The following PLPPR1 variants were observed in gnomAD, a reference collection of about 807,000 sequenced individuals.
PLPPR1 encodes the protein phospholipid phosphatase related 1.
Under a neutral mutation model 33.1 loss-of-function variants are expected in PLPPR1, and 10 were observed. The ratio of observed to expected loss-of-function variants is 0.30; its 90% CI spans 0.19 to 0.51. The LOEUF (loss-of-function observed/expected upper bound fraction) is 0.51, where lower values mean the gene tolerates loss of function less well. Ranked by LOEUF, PLPPR1 falls within the 20% of genes least tolerant of loss-of-function variation. The pLI is 0.97. For synonymous variants in PLPPR1, 151 were observed against 151.0 expected (o/e 1.00, Z 0.00); for missense variants, 304 against 408.1 (o/e 0.74, Z 2.20).
Position 101,189,543 on chromosome 9 carries a change from C to G in PLPPR1, c.63+3986C>G, listed in dbSNP as rs1026373014. 1.4e-4 allele frequency among the ~76,000 whole-genome samples: 21 copies of G among 152,156 alleles called. 1 individual carries two copies. The highest frequency in any genetic ancestry group is 1.9e-4 in the East Asian group (1 of 5,162). ...GTCATGAGTTGGGGGGTTAAATCCTCCACCTCTTTTGGTGCTCTGAAATTT... is the reference window on the plus strand; with the variant it reads ...GTCATGAGTTGGGGGGTTAAATCCTGCACCTCTTTTGGTGCTCTGAAATTT... On this transcript the variant is annotated intron_variant, in intron 2 of 7. Coordinates refer to ENST00000374874, the MANE Select transcript of PLPPR1 (RefSeq NM_207299.2).
At chr9:101,077,393 C>T (rs1830551284) in intron 1 of PLPPR1, among the ~76,000 whole-genome samples, 1 of 152,204 alleles carries the variant, frequency 6.6e-6, no homozygotes, top group Admixed American at 6.5e-5. Context: ...TGAAACTTTG[C>T]TGCCTTTGTT....
Position 101,314,751 on chromosome 9 carries a change from A to T in PLPPR1, c.813+1777A>T, listed in dbSNP as rs201107915. ...CAGTGTTGTCAAAAAGCTTCAATTT[A>T]AAAAAAAAAAAAATATCTGCAACAT... On this transcript the variant is annotated intron_variant, in intron 6 of 7. Coordinates refer to ENST00000374874, the MANE Select transcript of PLPPR1 (RefSeq NM_207299.2). Among the ~76,000 whole-genome samples, 181 of 63,982 alleles carry T rather than the reference A, an allele frequency of 2.8e-3. 1 individual carries two copies. The highest frequency in any genetic ancestry group is 0.014 in the African/African-American group (166 of 11,656). The allele number at this position is 63,982 out of a possible 152,430, so 42.0% of individuals were successfully genotyped here.
intron 1 of PLPPR1, among the ~76,000 whole-genome samples, chr9:101,083,065 A>G (rs1564139869): frequency 6.6e-6 from 1 of 152,148 alleles, no homozygotes; most frequent in Non-Finnish European, 1.5e-5. Flanking sequence ...TTTAGAATCT[A>G]GTTTAAGGAC....
intron 2 of PLPPR1, among the ~76,000 whole-genome samples, chr9:101,236,662 T>C (rs1827306486): frequency 2.0e-5 from 3 of 151,768 alleles, no homozygotes; most frequent in Admixed American, 2.0e-4. Flanking sequence ...GTTATAGTGA[T>C]ATTTTGATAC....
chr9:101,114,361 CAG>C (rs1295412250), intron 1 of PLPPR1, among the ~76,000 whole-genome samples: 27 of 152,154 alleles, frequency 1.8e-4, no homozygotes, highest in Non-Finnish European at 8.8e-5. Flanking sequence ...AGGATCCCAA[CAG>C]GGGACAGATA....
At chr9:101,318,572 G>T (rs1267744043) in intron 7 of PLPPR1, among the ~76,000 whole-genome samples, 1 of 152,148 alleles carries the variant, frequency 6.6e-6, no homozygotes, top group Non-Finnish European at 1.5e-5. Flanking sequence ...AGGAGTTTGA[G>T]ACCAGACTGG....
At chr9:101,136,460 G>C (rs570619531) in intron 1 of PLPPR1, among the ~76,000 whole-genome samples, 48 of 152,318 alleles carry the variant, frequency 3.2e-4, no homozygotes, top group Non-Finnish European at 5.6e-4. Context: ...CACATGGTTT[G>C]TATGACAATG....
intron 4 of PLPPR1, among the ~76,000 whole-genome samples, chr9:101,308,803 C>T (rs1828901438): frequency 6.6e-6 from 1 of 152,160 alleles, no homozygotes; most frequent in Non-Finnish European, 1.5e-5. Context: ...ATTACGTAGA[C>T]ACCATAGCAA....
chr9:101,174,543 A>G (rs1825991961), intron 1 of PLPPR1, among the ~76,000 whole-genome samples: 2 of 152,116 alleles, frequency 1.3e-5, no homozygotes, highest in South Asian at 2.1e-4. Flanking sequence ...TCTCTGACTG[A>G]TCATGTGGCT....
At chr9:101,166,796 A>G (rs1825864523) in intron 1 of PLPPR1, among the ~76,000 whole-genome samples, 1 of 152,104 alleles carries the variant, frequency 6.6e-6, no homozygotes, top group Non-Finnish European at 1.5e-5. Context: ...TTAAAATTCT[A>G]AAGTTGGTTT....
intron 1 of PLPPR1, among the ~76,000 whole-genome samples, chr9:101,148,520 G>C (rs1230325698): frequency 1.3e-5 from 2 of 152,160 alleles, no homozygotes; most frequent in Non-Finnish European, 2.9e-5. Flanking sequence ...CTCTCCAGCT[G>C]TATTCCCTAC....
At chr9:101,285,366 G>A (rs1828375498) in intron 3 of PLPPR1, among the ~76,000 whole-genome samples, 1 of 152,068 alleles carries the variant, frequency 6.6e-6, no homozygotes, top group African/African-American at 2.4e-5. Context: ...ATATTTATTA[G>A]TTTAACGAGA....
intron 1 of PLPPR1, among the ~76,000 whole-genome samples, chr9:101,080,401 C>G (rs1394234690): frequency 2.0e-5 from 3 of 152,086 alleles, no homozygotes; most frequent in East Asian, 3.9e-4. Context: ...GTAGTCCCAG[C>G]TGCTTGAGAG....
At chr9:101,142,581 G>C (rs1362015643) in intron 1 of PLPPR1, among the ~76,000 whole-genome samples, 1 of 152,182 alleles carries the variant, frequency 6.6e-6, no homozygotes, top group African/African-American at 2.4e-5. Flanking sequence ...GCTTCAGCTA[G>C]TTCTTCTACA....
At chr9:101,274,969 A>G (rs1444548895) in intron 3 of PLPPR1, among the ~76,000 whole-genome samples, 18 of 152,212 alleles carry the variant, frequency 1.2e-4, no homozygotes, top group Admixed American at 9.8e-4. Flanking sequence ...GAACATTCTC[A>G]TCAGAAGCTA....
chr9:101,053,571 C>T (rs1380663054), intron 1 of PLPPR1, among the ~76,000 whole-genome samples: 4 of 152,146 alleles, frequency 2.6e-5, no homozygotes, highest in Non-Finnish European at 5.9e-5. Flanking sequence ...GTATTCATGT[C>T]CCTGCTCTGG....
intron 1 of PLPPR1, among the ~76,000 whole-genome samples, chr9:101,142,489 C>T (rs140159820): frequency 9.9e-5 from 15 of 152,272 alleles, no homozygotes; most frequent in Non-Finnish European, 1.6e-4. Context: ...GGAACTCCTA[C>T]GAGGAATTTC....
intron 2 of PLPPR1, among the ~76,000 whole-genome samples, chr9:101,196,819 C>T (rs554385804): frequency 1.5e-4 from 23 of 151,148 alleles, no homozygotes; most frequent in Admixed American, 1.2e-3. Context: ...GAGCCGAGAT[C>T]GGGCCACTGC....
intron 2 of PLPPR1, among the ~76,000 whole-genome samples, chr9:101,204,400 A>G (rs958754542): frequency 3.9e-5 from 6 of 152,150 alleles, no homozygotes; most frequent in African/African-American, 1.4e-4. Flanking sequence ...ACTAAACCCA[A>G]TCATCTCTGG....
Sources: allele counts gnomAD v4.1 joint callset (sites outside exome capture counted in the v4.1 genomes callset), GRCh38; gene constraint gnomAD v4.1.1; transcripts MANE v1.5; gene names NCBI Gene and HGNC (gene_info 2026-07-23, HGNC 2026-07-21).